DYNC2H1: variants seen among roughly 807,000 people sequenced by gnomAD.
The protein encoded by DYNC2H1 is dynein cytoplasmic 2 heavy chain 1, also known as cytoplasmic dynein 2 heavy chain 1.
In DYNC2H1, 410 loss-of-function variants were observed where a neutral mutation model predicts 570.0. The ratio of observed to expected loss-of-function variants is 0.72; its 90% CI spans 0.66 to 0.78. The LOEUF is 0.78. Among genes scored for constraint, DYNC2H1 ranks in the 30% least tolerant of loss-of-function variants. The pLI is 0.00. For missense variants in DYNC2H1, 4,865 were observed against 5,046.4 expected (o/e 0.96, Z 1.09); for synonymous variants, 1,688 against 1,677.6 (o/e 1.01, Z -0.15).
chr11:103,286,762 AG>A (rs1866367113), intron 74 of DYNC2H1, among the ~76,000 whole-genome samples: 1 of 152,198 alleles, frequency 6.6e-6, no homozygotes, highest in South Asian at 2.1e-4. Flanking sequence ...ATTTTAAAAT[AG>A]AATGTTGAAA....
At position 103,473,286 on chromosome 11, in the gene DYNC2H1, A is replaced by ATT. The variant is rs35681061; in HGVS notation, c.12765+4598_12765+4599dup. ...CACTATTTATTCATTCATGAAACAG[A>ATT]TTTTTTTTTTTTTTTTTTGAGATGG... On this transcript the variant is annotated intron_variant, in intron 88 of 88. Transcript: ENST00000375735. Among the ~76,000 whole-genome samples the ATT allele has an allele frequency of 5.4e-3, 738 of 136,826 alleles. 13 individuals carry two copies. The highest frequency in any genetic ancestry group is 0.015 in the African/African-American group (560 of 36,886). The allele number at this position is 136,826 out of a possible 152,430, so 89.8% of individuals were successfully genotyped here.
intron 13 of DYNC2H1, among the ~76,000 whole-genome samples, chr11:103,132,669 T>A (rs971300070): frequency 1.3e-5 from 2 of 151,950 alleles, no homozygotes; most frequent in African/African-American, 4.8e-5. Flanking sequence ...TGTGTGTGTG[T>A]GTGTGTGATG....
At chr11:103,341,512 T>C (rs1030196483) in intron 82 of DYNC2H1, among the ~76,000 whole-genome samples, 1 of 152,196 alleles carries the variant, frequency 6.6e-6, no homozygotes, top group African/African-American at 2.4e-5. Flanking sequence ...ATTCCTAAGT[T>C]CTATCCCAGG....
chr11:103,272,216 A>T (rs1024952402), intron 70 of DYNC2H1, among the ~76,000 whole-genome samples: 1 of 152,228 alleles, frequency 6.6e-6, no homozygotes, highest in Non-Finnish European at 1.5e-5. Context: ...AATGTGGCAC[A>T]TATACACCAT....
chr11:103,170,077 A>G lies in DYNC2H1; in HGVS notation c.4969-31A>G. 3 of 1,557,254 alleles carry G rather than the reference A, an allele frequency of 1.9e-6. No homozygotes were observed. The highest frequency in any genetic ancestry group is 2.6e-6 in the Non-Finnish European group (3 of 1,148,754). ...ATTTGTAAATGTTGAATAGAACATG[A>G]ATACTCTGACTTTGTGTTGTTCTTG... On this transcript the variant is annotated intron_variant, in intron 32 of 88. Coordinates refer to ENST00000375735, the MANE Select transcript of DYNC2H1 (RefSeq NM_001377.3). This position sits in a 1 kb window ranked among gnomAD's most constrained non-coding sequence, Gnocchi z 4.8.
At chr11:103,253,489 A>C in intron 66 of DYNC2H1, 41 bp downstream of exon 66, 1 of 1,561,984 alleles carries the variant, frequency 6.4e-7, no homozygotes, top group South Asian at 1.2e-5. Flanking sequence ...AATCTTTTCG[A>C]GCTTTATATA....
At chr11:103,206,967 G>A (rs1862951703) in intron 52 of DYNC2H1, among the ~76,000 whole-genome samples, 1 of 152,052 alleles carries the variant, frequency 6.6e-6, no homozygotes, top group Admixed American at 6.6e-5. Flanking sequence ...TGTCGCCCAG[G>A]CTGGAGTGTG....
chr11:103,246,909 CT>C (rs1357330540), intron 65 of DYNC2H1, among the ~76,000 whole-genome samples: 4 of 151,922 alleles, frequency 2.6e-5, no homozygotes, highest in Non-Finnish European at 2.9e-5. Context: ...TACTTCTCTC[CT>C]ACAAATTTAT....
At position 103,249,206 on chromosome 11, in the gene DYNC2H1, A is replaced by G. The variant is rs1377143112; in HGVS notation, c.10042+3832A>G. 1.3e-5 allele frequency among the ~76,000 whole-genome samples: 2 copies of G among 152,018 alleles called. No homozygotes were observed. The highest frequency in any genetic ancestry group is 2.9e-5 in the Non-Finnish European group (2 of 67,940). ...CACTGAAGAGTCTTTTTTAGACAAT[A>G]AAATATTTATTTTAAAATATTTTCA... On this transcript the variant is annotated intron_variant, in intron 65 of 88. Transcript: ENST00000375735. This position sits in a 1 kb window ranked among gnomAD's most constrained non-coding sequence, Gnocchi z 4.6.
At chr11:103,174,526 A>C (rs1324280594) in intron 36 of DYNC2H1, among the ~76,000 whole-genome samples, 1 of 152,132 alleles carries the variant, frequency 6.6e-6, no homozygotes, top group Admixed American at 6.6e-5. Flanking sequence ...TGGCTTGTTA[A>C]AACAGATTAT....
chr11:103,438,751 C>T (rs554566255), intron 85 of DYNC2H1, among the ~76,000 whole-genome samples: 3 of 152,198 alleles, frequency 2.0e-5, no homozygotes, highest in South Asian at 2.1e-4. Context: ...TTATTCTAGA[C>T]CCTGTGTGAA....
chr11:103,428,734 T>C (rs1943774029), intron 84 of DYNC2H1, among the ~76,000 whole-genome samples: 1 of 152,156 alleles, frequency 6.6e-6, no homozygotes, highest in African/African-American at 2.4e-5. Context: ...ATCATAACAG[T>C]ATTTGTCTTT....
At chr11:103,378,934 G>A (rs781003498) in intron 83 of DYNC2H1, among the ~76,000 whole-genome samples, 1 of 152,064 alleles carries the variant, frequency 6.6e-6, no homozygotes, top group Non-Finnish European at 1.5e-5. Flanking sequence ...TAAGTTCCAC[G>A]ATAATATGTT....
At chr11:103,110,357 A>G (rs1166054914) in intron 1 of DYNC2H1, among the ~76,000 whole-genome samples, 1 of 152,116 alleles carries the variant, frequency 6.6e-6, no homozygotes, top group African/African-American at 2.4e-5. Flanking sequence ...TATAACTAAA[A>G]AGAAAACATT....
intron 17 of DYNC2H1, among the ~76,000 whole-genome samples, chr11:103,138,676 T>G (rs1382757121): frequency 6.6e-6 from 1 of 152,226 alleles, no homozygotes; most frequent in Admixed American, 6.5e-5. Flanking sequence ...GAAATTCTCT[T>G]TTTTGGTTGT....
rs190774388 is a variant in DYNC2H1 at position 103,248,310 on chromosome 11, A to G, written c.10042+2936A>G. On this transcript the variant is annotated intron_variant, in intron 65 of 88. Coordinates refer to ENST00000375735, the MANE Select transcript of DYNC2H1 (RefSeq NM_001377.3). ...CCATTATCAAAATTTTATCTACATA[A>G]TGGAATGGAATTTGGACCTATATGG... Among the ~76,000 whole-genome samples the G allele has an allele frequency of 5.9e-5, 9 of 152,112 alleles. No individual in the cohort carries two copies. The East Asian group carries it at 1.4e-3, about 23-fold the overall frequency.
chr11:103,370,996 A>C (rs1411388268), intron 83 of DYNC2H1, among the ~76,000 whole-genome samples: 2 of 152,180 alleles, frequency 1.3e-5, no homozygotes, highest in Non-Finnish European at 2.9e-5. Context: ...TCCTGGAGAC[A>C]CAGAAATATG....
intron 84 of DYNC2H1, among the ~76,000 whole-genome samples, chr11:103,400,480 G>A (rs374384832): frequency 1.7e-4 from 26 of 152,252 alleles, no homozygotes; most frequent in African/African-American, 6.0e-4. Flanking sequence ...CACTTCTTGT[G>A]CTGAAAAATT....
rs370685964 is a variant in DYNC2H1 at position 103,117,790 on chromosome 11, A to G, written c.926A>G (p.Tyr309Cys). 19 of 1,613,300 alleles carry G rather than the reference A, an allele frequency of 1.2e-5. No homozygotes were observed. In the African/African-American group the frequency reaches 1.7e-4, roughly 15 times the overall value. Reference sequence around the variant, plus strand: ...CTAACAGGTCAGGTGTGGCAGCGCTATGTTCCTCATCCATGGAAAAATGAA... The same window carrying G: ...CTAACAGGTCAGGTGTGGCAGCGCTGTGTTCCTCATCCATGGAAAAATGAA... ...NHLTGQVWQR[Y>C]VPHPWKNEKY... Residue 309 changes from tyrosine to cysteine, a missense_variant, in exon 6 of 89, where the codon TAT (tyrosine) becomes TGT (cysteine). Physicochemically the swap from Tyr to Cys is radical, Grantham distance 194. Transcript: ENST00000375735.
Sources: gnomAD v4.1 joint callset for allele counts (sites outside exome capture counted in the v4.1 genomes callset) on GRCh38, gnomAD v4.1.1 for gene constraint, Gnocchi (gnomAD v3.1) non-coding constraint, MANE v1.5 for transcripts, NCBI Gene and HGNC (gene_info 2026-07-23, HGNC 2026-07-21) for gene names.